Variants in TUBGCP3 observed in about 807,000 individuals in gnomAD.
TUBGCP3 encodes tubulin gamma complex component 3.
A neutral mutation model predicts 123.1 loss-of-function variants in TUBGCP3; 50 were observed. The observed-to-expected ratio is 0.41, with a 90% CI of 0.32 to 0.51. The LOEUF (loss-of-function observed/expected upper bound fraction) is 0.51, where lower values mean the gene tolerates loss of function less well. Among genes scored for constraint, TUBGCP3 ranks in the 20% least tolerant of loss-of-function variants. TUBGCP3 has a pLI of 0.36. For synonymous variants in TUBGCP3, 405 were observed against 413.9 expected (o/e 0.98, Z 0.26); for missense variants, 882 against 1,127.0 (o/e 0.78, Z 3.11).
chr13:112,519,503 T>C lies in TUBGCP3; in HGVS notation c.1881+383A>G, dbSNP rs1876434647. Among the ~76,000 whole-genome samples, 1 of 152,252 alleles carries C rather than the reference T, an allele frequency of 6.6e-6. No homozygotes were observed. Among genetic ancestry groups the C allele is most frequent in the Non-Finnish European group, 1.5e-5 (1 of 68,042 alleles). ...CAAACTGCAACTAAAAGCATCCATT[T>C]TCTGATAAATACCATCGTACACCAT... On this transcript the variant is annotated intron_variant, in intron 15 of 21. Coordinates refer to ENST00000261965, the MANE Select transcript of TUBGCP3 (RefSeq NM_006322.6). The surrounding 1 kb of genome is among the most constrained non-coding windows in gnomAD (Gnocchi z 6.2).
intron 1 of TUBGCP3, among the ~76,000 whole-genome samples, chr13:112,584,681 T>G (rs1159742767): frequency 1.3e-5 from 2 of 152,220 alleles, no homozygotes; most frequent in African/African-American, 4.8e-5. Context: ...ACCTGAACAT[T>G]TATGATGAAA....
chr13:112,485,798 T>G lies in TUBGCP3; in HGVS notation c.*195A>C. 1.6e-6 allele frequency: 1 copy of G among 623,550 alleles called. No individual in the cohort carries two copies. The highest frequency in any genetic ancestry group is 2.8e-6 in the Non-Finnish European group (1 of 363,020). 38.6% of individuals were successfully genotyped at this position (623,550 alleles called of 1,614,324 possible). ...CAGCCAGCCTACTTGACTTAGGGAT[T>G]TACAAATGCATTCGACTCCGACATG... On this transcript the variant is annotated 3_prime_UTR_variant, in exon 22 of 22. Coordinates refer to ENST00000261965, the MANE Select transcript of TUBGCP3 (RefSeq NM_006322.6).
At chr13:112,550,625 G>T (rs1019915301) in intron 8 of TUBGCP3, among the ~76,000 whole-genome samples, 1 of 152,208 alleles carries the variant, frequency 6.6e-6, no homozygotes, top group Admixed American at 6.5e-5. Context: ...TAGGGCAAGC[G>T]CCTGGCACAG....
At chr13:112,531,520 T>C (rs988492443) in intron 11 of TUBGCP3, among the ~76,000 whole-genome samples, 1 of 152,246 alleles carries the variant, frequency 6.6e-6, no homozygotes, top group Non-Finnish European at 1.5e-5. Flanking sequence ...ATTAACTGCA[T>C]ATAAATTGTA....
chr13:112,533,416 G>A (rs937365814), intron 11 of TUBGCP3, among the ~76,000 whole-genome samples: 3 of 152,140 alleles, frequency 2.0e-5, no homozygotes, highest in Non-Finnish European at 4.4e-5. Context: ...GAAAGCCCTG[G>A]GTCCTGTTCC....
In TUBGCP3 at chr13:112,526,287, ACAT is replaced by A. The variant is rs541013086; in HGVS notation, c.1555+652_1555+654del. Among the ~76,000 whole-genome samples, 51 of 130,868 alleles carry A rather than the reference ACAT, an allele frequency of 3.9e-4. 1 individual carries two copies. The highest frequency in any genetic ancestry group is 2.3e-3 in the East Asian group (10 of 4,382). 85.9% of individuals were successfully genotyped at this position (130,868 alleles called of 152,430 possible). A position where few individuals can be genotyped will look rare whatever the true frequency, so the allele number is the denominator to read the frequency against. On this transcript the variant is annotated intron_variant, in intron 13 of 21. Transcript: ENST00000261965. ...ATCATCACCACCATCATCACCATCA[ACAT>A]CATCAACACCATCACTGCCACCACC...
chr13:112,486,619 G>A (rs1184110510), intron 21 of TUBGCP3, among the ~76,000 whole-genome samples: 1 of 152,258 alleles, frequency 6.6e-6, no homozygotes, highest in African/African-American at 2.4e-5. Flanking sequence ...GGGTCTAGCT[G>A]CTGGACGTGA....
In TUBGCP3 at chr13:112,573,304, T is replaced by C. The variant is rs77490875; in HGVS notation, c.77-4045A>G. On this transcript the variant is annotated intron_variant, in intron 1 of 21. Coordinates refer to ENST00000261965, the MANE Select transcript of TUBGCP3 (RefSeq NM_006322.6). ...TTTTTTAAAATAAGTAGAAAGCTTGTATTTAAAGTTGAAGAAGTCTCTCAA... is the reference window on the plus strand; with the variant it reads ...TTTTTTAAAATAAGTAGAAAGCTTGCATTTAAAGTTGAAGAAGTCTCTCAA... Among the ~76,000 whole-genome samples the C allele has an allele frequency of 3.3e-5, 5 of 152,048 alleles. No homozygotes were observed. The East Asian group carries it at 9.7e-4, about 29-fold the overall frequency.
chr13:112,513,557 C>T (rs778584729), intron 17 of TUBGCP3, among the ~76,000 whole-genome samples: 3 of 152,222 alleles, frequency 2.0e-5, no homozygotes, highest in Non-Finnish European at 4.4e-5. Context: ...CTGCATACCA[C>T]GCCCATACAA....
At chr13:112,496,117 AATAATT>A (rs1465118279) in intron 20 of TUBGCP3, among the ~76,000 whole-genome samples, 1 of 152,242 alleles carries the variant, frequency 6.6e-6, no homozygotes, top group Non-Finnish European at 1.5e-5. Context: ...TAAGATGGCA[AATAATT>A]AAGTACGATC....
chr13:112,534,579 C>T (rs924244390), intron 11 of TUBGCP3, among the ~76,000 whole-genome samples: 13 of 151,618 alleles, frequency 8.6e-5, no homozygotes, highest in Non-Finnish European at 4.4e-5. Context: ...GAAAAAACTC[C>T]TGCAAGGCCC....
At chr13:112,491,044 G>T (rs534395104) in intron 20 of TUBGCP3, among the ~76,000 whole-genome samples, 4 of 152,022 alleles carry the variant, frequency 2.6e-5, no homozygotes, top group Admixed American at 2.0e-4. Context: ...TTCTCCTCCC[G>T]CTACCTCTCA....
intron 17 of TUBGCP3, 70 bp downstream of exon 17, chr13:112,516,370 A>G (rs889713869): frequency 1.1e-5 from 16 of 1,441,788 alleles, no homozygotes; most frequent in Non-Finnish European, 1.5e-5. Context: ...GAGTTGCTGG[A>G]AACCGCACCC....
chr13:112,571,628 G>A (rs1278428921), intron 1 of TUBGCP3, among the ~76,000 whole-genome samples: 1 of 152,180 alleles, frequency 6.6e-6, no homozygotes, highest in African/African-American at 2.4e-5. Flanking sequence ...TAGCTCTGAA[G>A]GAAGGCACTA....
chr13:112,605,307 A>AAATGAT, the TUBGCP3 span: 1 of 116,432 alleles, frequency 8.6e-6, no homozygotes, highest in Non-Finnish European at 2.0e-5. Context: ...AGACTGTCTT[A>AAATGAT]AATGATAATG....
chr13:112,503,149 G>T (rs1373408191), intron 19 of TUBGCP3, among the ~76,000 whole-genome samples: 1 of 152,168 alleles, frequency 6.6e-6, no homozygotes, highest in African/African-American at 2.4e-5. Flanking sequence ...AAGTCTCGGA[G>T]TTCAGGTGAA....
intron 1 of TUBGCP3, among the ~76,000 whole-genome samples, chr13:112,585,099 C>G (rs1228776029): frequency 1.3e-5 from 2 of 152,060 alleles, no homozygotes; most frequent in Middle Eastern, 3.2e-3. Flanking sequence ...ATATGAAATT[C>G]TCATTAAAAG....
intron 21 of TUBGCP3, among the ~76,000 whole-genome samples, chr13:112,487,063 GTGTGTGTGTGTGTGTGTGTC>G (rs990580226): frequency 4.1e-5 from 6 of 145,696 alleles, no homozygotes; most frequent in Non-Finnish European, 9.3e-5. Flanking sequence ...ATGTGTGTGT[GTGTGTGTGTGTGTGTGTGTC>G]TGTGTGTGTG....
At chr13:112,532,563 G>GAAT (rs1377116125) in intron 11 of TUBGCP3, among the ~76,000 whole-genome samples, 4 of 152,180 alleles carry the variant, frequency 2.6e-5, no homozygotes, top group Non-Finnish European at 5.9e-5. Context: ...CCTCTAACTT[G>GAAT]AATATATTGG....
Sources: gnomAD v4.1 joint callset for allele counts (sites outside exome capture counted in the v4.1 genomes callset) on GRCh38, gnomAD v4.1.1 for gene constraint, Gnocchi (gnomAD v3.1) non-coding constraint, MANE v1.5 for transcripts, NCBI Gene and HGNC (gene_info 2026-07-23, HGNC 2026-07-21) for gene names.